The following NTM variants were observed in gnomAD, a reference collection of about 807,000 sequenced individuals.
NTM encodes neurotrimin.
NTM carries 13 observed loss-of-function variants against 42.1 expected under a neutral mutation model. The ratio of observed to expected loss-of-function variants is 0.31; its 90% CI spans 0.20 to 0.49. The LOEUF (loss-of-function observed/expected upper bound fraction) is 0.49. Among genes scored for constraint, NTM ranks in the 20% least tolerant of loss-of-function variants. The pLI is 0.99. For missense variants in NTM, 373 were observed against 452.8 expected (o/e 0.82, Z 1.60); for synonymous variants, 187 against 179.2 (o/e 1.04, Z -0.35).
intron 1 of NTM, among the ~76,000 whole-genome samples, chr11:131,468,196 C>T (rs1173749905): frequency 6.6e-6 from 1 of 152,216 alleles, no homozygotes; most frequent in Admixed American, 6.5e-5. Flanking sequence ...TCTGCTCCAG[C>T]CCATCTGATT....
At chr11:132,307,940 C>A in intron 5 of NTM, 117 bp downstream of exon 5, 1 of 863,190 alleles carries the variant, frequency 1.2e-6, no homozygotes, top group Non-Finnish European at 1.7e-6. Flanking sequence ...AAGAATGCAG[C>A]ACCACTTTCC....
At chr11:132,220,012 C>T (rs1224661131) in intron 4 of NTM, among the ~76,000 whole-genome samples, 2 of 152,134 alleles carry the variant, frequency 1.3e-5, no homozygotes, top group Admixed American at 1.3e-4. Flanking sequence ...ATTAAAATTC[C>T]CAGTACCCCA....
At chr11:131,784,677 GACAC>G (rs2088812947) in intron 1 of NTM, among the ~76,000 whole-genome samples, 1 of 152,086 alleles carries the variant, frequency 6.6e-6, no homozygotes, top group African/African-American at 2.4e-5. Flanking sequence ...CAGTGGTGGT[GACAC>G]ACACAGACAC....
chr11:131,931,579 G>A (rs957907404), intron 2 of NTM, among the ~76,000 whole-genome samples: 42 of 151,928 alleles, frequency 2.8e-4, no homozygotes, highest in African/African-American at 9.9e-4. Context: ...ATCCCCATGT[G>A]TAGGGCGTTG....
At position 131,615,416 on chromosome 11, in the gene NTM, A is replaced by C. The variant is rs1400632372; in HGVS notation, c.82+244528A>C. Reference sequence around the variant, plus strand: ...GTCTCTCTCTTGTCACCCAGGCTGGAGTGCAGTGGTGCAATCTCGGTTCAC... The same window carrying C: ...GTCTCTCTCTTGTCACCCAGGCTGGCGTGCAGTGGTGCAATCTCGGTTCAC... On this transcript the variant is annotated intron_variant, in intron 1 of 8. Transcript: ENST00000683400. 2.6e-5 allele frequency among the ~76,000 whole-genome samples: 4 copies of C among 152,006 alleles called. No homozygotes were observed. The East Asian group carries it at 7.7e-4, about 29-fold the overall frequency.
chr11:132,100,248 A>G (rs2061473096), intron 2 of NTM, among the ~76,000 whole-genome samples: 1 of 152,204 alleles, frequency 6.6e-6, no homozygotes, highest in Admixed American at 6.5e-5. Context: ...CAATCTTGGG[A>G]TCTAAACAGA....
intron 1 of NTM, among the ~76,000 whole-genome samples, chr11:131,864,137 A>G (rs1242737392): frequency 4.6e-5 from 7 of 152,196 alleles, no homozygotes; most frequent in African/African-American, 7.2e-5. Context: ...GAAGACAAGA[A>G]ATAGAAGGAC....
At chr11:131,391,426 A>G (rs1943971560) in intron 1 of NTM, among the ~76,000 whole-genome samples, 1 of 152,126 alleles carries the variant, frequency 6.6e-6, no homozygotes, top group African/African-American at 2.4e-5. Flanking sequence ...AGTACTTTAT[A>G]AATAGCAAAT....
chr11:131,698,286 C>T (rs951104587), intron 1 of NTM, among the ~76,000 whole-genome samples: 4 of 152,152 alleles, frequency 2.6e-5, no homozygotes, highest in Non-Finnish European at 5.9e-5. Context: ...ACCCCCCACC[C>T]TACCCCAGTG....
intron 2 of NTM, among the ~76,000 whole-genome samples, chr11:132,131,061 CT>C (rs1392724616): frequency 6.6e-6 from 1 of 152,192 alleles, no homozygotes; most frequent in Non-Finnish European, 1.5e-5. Context: ...TATTATTTTT[CT>C]GGTTAATTAA....
rs80106232 is a variant in NTM at position 131,407,267 on chromosome 11, G to A, written c.82+36379G>A. Among the ~76,000 whole-genome samples, 1,146 of 152,322 alleles carry A rather than the reference G, an allele frequency of 7.5e-3. 14 individuals carry two copies. Among genetic ancestry groups the A allele is most frequent in the African/African-American group, 0.026 (1,087 of 41,574 alleles). ...CTCAATGTGCCTGTCATGAGATTCA[G>A]TAAGTTTTCACCTAAGCAGATCTAT... is the stretch of plus-strand genomic sequence containing the variant. On this transcript the variant is annotated intron_variant, in intron 1 of 8. Transcript: ENST00000683400.
At position 132,307,770 on chromosome 11, in the gene NTM, C is replaced by T; in HGVS notation, c.608C>T (p.Ala203Val). 1.9e-6 allele frequency: 3 copies of T among 1,614,172 alleles called. No homozygotes were observed. The highest frequency in any genetic ancestry group is 2.5e-6 in the Non-Finnish European group (3 of 1,180,030). ...REQSGDYECS[A>V]SNDVAAPVVR... ...CAGTCAGGGGACTACGAGTGCAGTG[C>T]CTCCAATGACGTGGCCGCGCCCGTG... The change falls in exon 5 of 9, where the codon GCC becomes GTC. Residue 203 changes from alanine (A) to valine (V), a missense_variant. Physicochemically the swap from Ala to Val is moderately conservative, Grantham distance 64 (BLOSUM62 0). Coordinates refer to ENST00000683400, the MANE Select transcript of NTM (RefSeq NM_001352005.2).
At position 132,335,043 on chromosome 11, in the gene NTM, C is replaced by T; in HGVS notation, c.968-3C>T. 1 of 1,611,790 alleles carries T rather than the reference C, an allele frequency of 6.2e-7. No individual in the cohort carries two copies. The highest frequency in any genetic ancestry group is 2.2e-5 in the East Asian group (1 of 44,812). ...ACTCACGGCGAGTGTGTTCTCTCCACAGGTCCAGGCGCCGTCAGCGAGGTG... is the reference window on the plus strand; with the variant it reads ...ACTCACGGCGAGTGTGTTCTCTCCATAGGTCCAGGCGCCGTCAGCGAGGTG... On this transcript the variant is annotated splice_polypyrimidine_tract_variant and splice_region_variant and intron_variant, in intron 8 of 8. Coordinates refer to ENST00000683400, the MANE Select transcript of NTM (RefSeq NM_001352005.2).
At chr11:131,742,672 A>T (rs2081336070) in intron 1 of NTM, among the ~76,000 whole-genome samples, 1 of 152,228 alleles carries the variant, frequency 6.6e-6, no homozygotes, top group South Asian at 2.1e-4. Flanking sequence ...TAAAATAGGG[A>T]AAGTCTGGTA....
At chr11:132,311,669 T>TG (rs768177953) in intron 6 of NTM, among the ~76,000 whole-genome samples, 4 of 152,252 alleles carry the variant, frequency 2.6e-5, no homozygotes, top group Non-Finnish European at 5.9e-5. Flanking sequence ...TATTGAGCTA[T>TG]GGGGTCAGTT....
chr11:131,968,441 CA>C (rs1460289179), intron 2 of NTM, among the ~76,000 whole-genome samples: 2 of 152,148 alleles, frequency 1.3e-5, no homozygotes, highest in East Asian at 3.8e-4. Context: ...GTTTCTTAAA[CA>C]TATTAAGGTT....
At chr11:131,725,243 T>C (rs1398224798) in intron 1 of NTM, among the ~76,000 whole-genome samples, 2 of 152,200 alleles carry the variant, frequency 1.3e-5, no homozygotes, top group Admixed American at 1.3e-4. Context: ...CATCACGGCA[T>C]GTGTGAAGTA....
At chr11:131,630,932 T>A (rs2063591932) in intron 1 of NTM, among the ~76,000 whole-genome samples, 1 of 152,242 alleles carries the variant, frequency 6.6e-6, no homozygotes. Flanking sequence ...AAACTAACAC[T>A]AAAACTGTGC....
At chr11:132,320,384 G>T (rs2136258297) in intron 7 of NTM, among the ~76,000 whole-genome samples, 1 of 152,332 alleles carries the variant, frequency 6.6e-6, no homozygotes, top group Non-Finnish European at 1.5e-5. Flanking sequence ...GGATCAGGGA[G>T]TTCCCTTTCC....
Sources: allele counts gnomAD v4.1 joint callset (sites outside exome capture counted in the v4.1 genomes callset), GRCh38; gene constraint gnomAD v4.1.1; transcripts MANE v1.5; gene names NCBI Gene and HGNC (gene_info 2026-07-23, HGNC 2026-07-21).